Variants in SH3TC2 observed in about 807,000 individuals in gnomAD.
SH3TC2 encodes the protein SH3 domain and tetratricopeptide repeats 2.
A neutral mutation model predicts 124.5 loss-of-function variants in SH3TC2; 87 were observed. The ratio of observed to expected loss-of-function variants is 0.70; its 90% CI spans 0.59 to 0.84. The LOEUF is 0.84. SH3TC2 is among the 40% of genes least tolerant of loss of function. The pLI is 0.00. For synonymous variants in SH3TC2, 634 were observed against 628.5 expected, an observed-to-expected ratio of 1.01 and a Z score of -0.13; for missense variants, 1,536 against 1,566.4, an observed-to-expected ratio of 0.98 and a Z score of 0.33.
chr5:149,061,282 T>C (rs1439772354), intron 1 of SH3TC2, among the ~76,000 whole-genome samples: 1 of 152,192 alleles, frequency 6.6e-6, no homozygotes, highest in Non-Finnish European at 1.5e-5. Context: ...ACAGGAAATC[T>C]TTGGCTGAAG....
chr5:149,020,237 G>A (rs1430678235), intron 12 of SH3TC2, among the ~76,000 whole-genome samples: 1 of 152,032 alleles, frequency 6.6e-6, no homozygotes, highest in African/African-American at 2.4e-5. Flanking sequence ...GTACAGGGCT[G>A]TGAGCATGAT....
intron 15 of SH3TC2, chr5:149,007,582 A>G (rs973756539): frequency 8.6e-6 from 2 of 232,018 alleles, no homozygotes; most frequent in African/African-American, 4.5e-5. Context: ...GGGTACCACC[A>G]TGTAGCAGTC....
rs778953792 is a variant in SH3TC2 at position 149,004,868 on chromosome 5, G to A, written c.3710C>T (p.Ala1237Val). 2.5e-6 allele frequency: 4 copies of A among 1,614,070 alleles called. No homozygotes were observed. The East Asian group carries it at 8.9e-5, about 36-fold the overall frequency. Residue 1237 changes from alanine (A) to valine (V), a missense_variant, in exon 17 of 17, where the codon GCC becomes GTC. Physicochemically the swap from Ala to Val is moderately conservative, Grantham distance 64 (BLOSUM62 0). Coordinates refer to ENST00000515425, the MANE Select transcript of SH3TC2 (RefSeq NM_024577.4). ...AHDATEYFLL[A>V]LAAAVLLGDE... ...ACCCAGCAGGACCGCTGCTGCCAGG[G>A]CCAGAAGGAAGTACTCAGTGGCATC...
intron 8 of SH3TC2, 143 bp downstream of exon 8, chr5:149,038,152 A>G: frequency 1.4e-6 from 1 of 704,342 alleles, no homozygotes; most frequent in Non-Finnish European, 2.5e-6. Context: ...CACTCTCTGT[A>G]TCAACCTTGG....
chr5:149,029,921 A>T (rs144720584), intron 9 of SH3TC2, among the ~76,000 whole-genome samples: 231 of 152,232 alleles, frequency 1.5e-3, no homozygotes, highest in African/African-American at 5.2e-3. Flanking sequence ...CACCACCCTG[A>T]GTTCTCTAGT....
chr5:149,013,967 C>T (rs1305396789), intron 12 of SH3TC2, among the ~76,000 whole-genome samples: 1 of 152,214 alleles, frequency 6.6e-6, no homozygotes, highest in Non-Finnish European at 1.5e-5. Context: ...CCATGTAATT[C>T]TGTCATGCAG....
In SH3TC2 at chr5:148,998,522, T is replaced by C. The variant is rs1753546648; in HGVS notation, c.*6189A>G. 6.6e-6 allele frequency among the ~76,000 whole-genome samples: 1 copy of C among 151,618 alleles called. No homozygotes were observed. Among genetic ancestry groups the C allele is most frequent in the South Asian group, 2.1e-4 (1 of 4,794 alleles). ...CTAGTGTGATGCCCTGGATAAGGAGTCAAAGGCAGCACTAGAAGTGGCAGC... is the reference window on the plus strand; with the variant it reads ...CTAGTGTGATGCCCTGGATAAGGAGCCAAAGGCAGCACTAGAAGTGGCAGC... On this transcript the variant is annotated 3_prime_UTR_variant, in exon 17 of 17. Coordinates refer to ENST00000515425, the MANE Select transcript of SH3TC2 (RefSeq NM_024577.4).
chr5:149,031,417 G>A (rs144739309), intron 9 of SH3TC2, 137 bp downstream of exon 9: 46 of 1,141,236 alleles, frequency 4.0e-5, no homozygotes, highest in African/African-American at 3.2e-4. Flanking sequence ...GATTCAGGTC[G>A]TCAACAGAAT....
In SH3TC2 at chr5:148,999,206, G is replaced by T. The variant is rs1342050281; in HGVS notation, c.*5505C>A. ...GTGTCCCTGAATGCAGGACCAGGGT[G>T]CCTGGCCACACCTCCAGGTTTGGCT... is the stretch of plus-strand genomic sequence containing the variant. On this transcript the variant is annotated 3_prime_UTR_variant, in exon 17 of 17. Transcript: ENST00000515425. Among the ~76,000 whole-genome samples the T allele has an allele frequency of 6.6e-6, 1 of 152,192 alleles. No homozygotes were observed. Among genetic ancestry groups the T allele is most frequent in the East Asian group, 1.9e-4 (1 of 5,186 alleles).
chr5:149,052,533 T>G (rs1754576389), intron 1 of SH3TC2, among the ~76,000 whole-genome samples: 1 of 152,192 alleles, frequency 6.6e-6, no homozygotes, highest in Non-Finnish European at 1.5e-5. Flanking sequence ...GTGCTCAATA[T>G]ACATTGAGCC....
intron 1 of SH3TC2, chr5:149,057,491 A>G (rs1186831699): frequency 6.6e-6 from 1 of 152,046 alleles, no homozygotes; most frequent in Non-Finnish European, 1.5e-5. Flanking sequence ...TGCCCTGGTG[A>G]TTTGCTGCAC....
At chr5:149,012,412 C>G (rs1753798855) in intron 13 of SH3TC2, among the ~76,000 whole-genome samples, 172 bp downstream of exon 13, 1 of 152,172 alleles carries the variant, frequency 6.6e-6, no homozygotes, top group Non-Finnish European at 1.5e-5. Flanking sequence ...GCTTGTCAGA[C>G]CACCCTGGTT....
At position 149,013,769 on chromosome 5, in the gene SH3TC2, A is replaced by G. The variant is rs533538418; in HGVS notation, c.3054-1035T>C. Among the ~76,000 whole-genome samples the G allele has an allele frequency of 1.8e-4, 27 of 152,332 alleles. No homozygotes were observed. In the South Asian group the frequency reaches 5.4e-3, roughly 30 times the overall value. On this transcript the variant is annotated intron_variant, in intron 12 of 16. Transcript: ENST00000515425. ...TTTCTCACAGACGATTCAGTATTCA[A>G]AAACAAGGAAGGAACACTGTGCATC...
intron 1 of SH3TC2, among the ~76,000 whole-genome samples, chr5:149,056,441 C>T (rs1287552888): frequency 2.0e-5 from 3 of 152,172 alleles, no homozygotes; most frequent in Non-Finnish European, 2.9e-5. Flanking sequence ...AAGACATGCT[C>T]TCATTCTTTT....
intron 12 of SH3TC2, among the ~76,000 whole-genome samples, chr5:149,020,947 A>G (rs553225537): frequency 2.6e-5 from 4 of 152,286 alleles, no homozygotes; most frequent in African/African-American, 9.6e-5. Context: ...GACCTAAAAG[A>G]TATTTATAGA....
At chr5:149,057,956 A>G (rs538063661) in intron 1 of SH3TC2, among the ~76,000 whole-genome samples, 1 of 152,332 alleles carries the variant, frequency 6.6e-6, no homozygotes, top group South Asian at 2.1e-4. Context: ...TCATCAGCAC[A>G]CTTAGTGATT....
In SH3TC2 at chr5:149,004,916, A is replaced by G; in HGVS notation, c.3676-14T>C. On this transcript the variant is annotated splice_polypyrimidine_tract_variant and intron_variant, in intron 16 of 16. Transcript: ENST00000515425. ...ATCATGGGCATCCTAACCCCGTGGT[A>G]TGGGGGCAAAGAAGAGACAGCATTA... The G allele has an allele frequency of 1.9e-6, 3 of 1,614,082 alleles. No homozygotes were observed. Among genetic ancestry groups the G allele is most frequent in the African/African-American group, 2.7e-5 (2 of 75,036 alleles).
At position 149,030,572 on chromosome 5, in the gene SH3TC2, T is replaced by G. The variant is rs529657092; in HGVS notation, c.1135+982A>C. Among the ~76,000 whole-genome samples, 8 of 152,354 alleles carry G rather than the reference T, an allele frequency of 5.3e-5. No individual in the cohort carries two copies. The East Asian group carries it at 1.5e-3, about 29-fold the overall frequency. ...TACAACTCTAGCTTCCTGCTCAACCTCATAAGGCAATATGATCTGCTTGTG... is the reference window on the plus strand; with the variant it reads ...TACAACTCTAGCTTCCTGCTCAACCGCATAAGGCAATATGATCTGCTTGTG... On this transcript the variant is annotated intron_variant, in intron 9 of 16. Transcript: ENST00000515425.
intron 1 of SH3TC2, 83 bp downstream of exon 1, chr5:149,062,888 C>T (rs1754778364): frequency 1.5e-6 from 2 of 1,362,730 alleles, no homozygotes; most frequent in Admixed American, 3.9e-5. Flanking sequence ...AGAAAAGTTT[C>T]TCCAACCCAG....
Sources: gnomAD v4.1 joint callset for allele counts (sites outside exome capture counted in the v4.1 genomes callset) on GRCh38, gnomAD v4.1.1 for gene constraint, MANE v1.5 for transcripts, NCBI Gene and HGNC (gene_info 2026-07-23, HGNC 2026-07-21) for gene names.